SPATA13: variants seen among roughly 807,000 people sequenced by gnomAD.
The protein encoded by SPATA13 is spermatogenesis associated 13.
A neutral mutation model predicts 104.0 loss-of-function variants in SPATA13; 50 were observed. That is an observed-to-expected ratio of 0.48 (90% CI 0.38 to 0.61). The LOEUF is 0.61. SPATA13 is among the 20% of genes least tolerant of loss of function. SPATA13 has a pLI of 0.00. For missense variants in SPATA13, 1,524 were observed against 1,690.6 expected, an observed-to-expected ratio of 0.90 and a Z score of 1.73; for synonymous variants, 606 against 667.5, an observed-to-expected ratio of 0.91 and a Z score of 1.42.
At chr13:24,203,464 T>C (rs1169502481) in intron 1 of SPATA13, among the ~76,000 whole-genome samples, 1 of 152,220 alleles carries the variant, frequency 6.6e-6, no homozygotes, top group Non-Finnish European at 1.5e-5. Flanking sequence ...AAGTCTGTTT[T>C]TGTGACTGAA....
intron 1 of SPATA13, among the ~76,000 whole-genome samples, chr13:24,216,490 G>C (rs1238217568): frequency 6.6e-6 from 1 of 152,182 alleles, no homozygotes; most frequent in Non-Finnish European, 1.5e-5. Flanking sequence ...AGTTGCATTT[G>C]TCCATATACT....
chr13:24,130,989 C>T (rs775272775), intron 3 of SPATA13, among the ~76,000 whole-genome samples: 5 of 152,262 alleles, frequency 3.3e-5, no homozygotes, highest in East Asian at 1.9e-4. Flanking sequence ...CTGGCTTCAT[C>T]GTGATTCACT....
intron 11 of SPATA13, among the ~76,000 whole-genome samples, chr13:24,300,042 CT>C (rs1877074840): frequency 6.6e-6 from 1 of 152,206 alleles, no homozygotes; most frequent in South Asian, 2.1e-4. Context: ...CCCTGGGACC[CT>C]TTGCTCTGTC....
chr13:24,035,313 C>A (rs960778311), intron 3 of SPATA13, among the ~76,000 whole-genome samples: 1 of 152,166 alleles, frequency 6.6e-6, no homozygotes, highest in African/African-American at 2.4e-5. Flanking sequence ...CACCAACACA[C>A]CCAGCTAATT....
Position 24,286,484 on chromosome 13 carries a change from CT to C in SPATA13, c.2481+95del. On this transcript the variant is annotated intron_variant, in intron 6 of 12. Transcript: ENST00000382108. The surrounding 1 kb of genome is among the most constrained non-coding windows in gnomAD (Gnocchi z 4.9). The stretch of plus-strand genomic sequence containing the variant: ...GAACTCGCCTTTTATCAGGTCAGCT[CT>C]TTTGTAATTGATATCTGACATGCAA... 7.6e-7 allele frequency: 1 copy of C among 1,323,896 alleles called. No individual in the cohort carries two copies. Among genetic ancestry groups the C allele is most frequent in the South Asian group, 1.5e-5 (1 of 67,938 alleles). The allele number at this position is 1,323,896 out of a possible 1,614,324, so 82.0% of individuals were successfully genotyped here.
rs896191085 is a variant in SPATA13, at chr13:24,303,300, G to T, written c.*527G>T. ...TAATACTGGGGGACCTACAGCTGCC[G>T]TGGGGCTGACCACGGTGTTCCCTGG... On this transcript the variant is annotated 3_prime_UTR_variant, in exon 13 of 13. Coordinates refer to ENST00000382108, the MANE Select transcript of SPATA13 (RefSeq NM_001166271.3). The T allele has an allele frequency of 5.4e-6, 2 of 371,100 alleles. No individual in the cohort carries two copies. Among genetic ancestry groups the T allele is most frequent in the South Asian group, 2.0e-5 (1 of 49,228 alleles). The allele number at this position is 371,100 out of a possible 1,614,324, so 23.0% of individuals were successfully genotyped here.
intron 1 of SPATA13, among the ~76,000 whole-genome samples, chr13:24,169,173 A>G (rs1882864112): frequency 1.3e-5 from 2 of 152,016 alleles, no homozygotes; most frequent in African/African-American, 4.8e-5. Flanking sequence ...CCCTTCCTAG[A>G]AAAGGCTTGG....
At chr13:24,217,315 T>C (rs1285663446) in intron 1 of SPATA13, among the ~76,000 whole-genome samples, 1 of 152,220 alleles carries the variant, frequency 6.6e-6, no homozygotes. Flanking sequence ...TCTCTTTTTA[T>C]TACAATTCTT....
chr13:24,058,791 G>A (rs996781172), intron 3 of SPATA13, among the ~76,000 whole-genome samples: 1 of 151,762 alleles, frequency 6.6e-6, no homozygotes, highest in African/African-American at 2.4e-5. Flanking sequence ...AACCTGTCAG[G>A]TAGCAAGATT....
intron 2 of SPATA13, among the ~76,000 whole-genome samples, chr13:24,246,546 G>A (rs996386258): frequency 2.6e-5 from 4 of 152,184 alleles, no homozygotes; most frequent in Admixed American, 6.5e-5. Flanking sequence ...CTCTGTGTGT[G>A]AGAGACAGAG....
chr13:24,157,395 T>A (rs1882290343), upstream of SPATA13, among the ~76,000 whole-genome samples: 1 of 152,128 alleles, frequency 6.6e-6, no homozygotes, highest in South Asian at 2.1e-4. Context: ...GCCTCCCGGG[T>A]TCACGCCATT....
In SPATA13 at chr13:24,237,362, T is replaced by TAAAAC. The variant is rs544224771; in HGVS notation, c.1654-12100_1654-12096dup. On this transcript the variant is annotated intron_variant, in intron 2 of 12. Transcript: ENST00000382108. ...CTGGCGGCAGAGTCAGATTCCATCT[T>TAAAAC]AAAACAAAACAAAACAAAAAAAACA... is the stretch of plus-strand genomic sequence containing the variant. Among the ~76,000 whole-genome samples, 74 of 151,710 alleles carry TAAAAC rather than the reference T, an allele frequency of 4.9e-4. 1 individual carries two copies. The East Asian group carries it at 0.012, about 25-fold the overall frequency.
chr13:24,194,427 A>G (rs1279373653), intron 1 of SPATA13, among the ~76,000 whole-genome samples: 1 of 152,208 alleles, frequency 6.6e-6, no homozygotes, highest in Non-Finnish European at 1.5e-5. Context: ...GGTGCACATT[A>G]CTGGAAATGT....
At chr13:24,237,071 G>A (rs888270411) in intron 2 of SPATA13, among the ~76,000 whole-genome samples, 9 of 152,158 alleles carry the variant, frequency 5.9e-5, no homozygotes, top group Non-Finnish European at 1.2e-4. Context: ...TAACAAACAT[G>A]CTGCAGGCTG....
intron 8 of SPATA13, among the ~76,000 whole-genome samples, chr13:24,290,451 C>T (rs879443689): frequency 7.2e-5 from 11 of 152,136 alleles, no homozygotes; most frequent in Non-Finnish European, 1.2e-4. Flanking sequence ...TGAAGCACCC[C>T]TTCTCGCCGG....
chr13:24,138,806 G>A (rs1881662375), intron 3 of SPATA13, among the ~76,000 whole-genome samples: 1 of 148,652 alleles, frequency 6.7e-6, no homozygotes, highest in African/African-American at 2.5e-5. Context: ...TGCTCAGGCT[G>A]GCCTCAAACT....
At position 24,051,971 on chromosome 13, in the gene SPATA13, ACCT is replaced by A. The variant is rs1878356264; in HGVS notation, c.-112+34272_-112+34274del. Among the ~76,000 whole-genome samples, 1 of 152,014 alleles carries A rather than the reference ACCT, an allele frequency of 6.6e-6. No homozygotes were observed. The highest frequency in any genetic ancestry group is 1.5e-5 in the Non-Finnish European group (1 of 68,008). On this transcript the variant is annotated intron_variant, in intron 3 of 14. Coordinates refer to the SPATA13 transcript ENST00000424834. The surrounding 1 kb of genome is among the most constrained non-coding windows in gnomAD (Gnocchi z 4.2). Reference sequence around the variant, plus strand: ...CAGACGTCCTGGCTCTGGTCCTCCCACCTCATCTGTGCACCTTGCCAGTCCTTT... The same window carrying A: ...CAGACGTCCTGGCTCTGGTCCTCCCACATCTGTGCACCTTGCCAGTCCTTT...
chr13:24,056,050 C>T (rs1192702343), intron 3 of SPATA13, among the ~76,000 whole-genome samples: 1 of 152,122 alleles, frequency 6.6e-6, no homozygotes, highest in Non-Finnish European at 1.5e-5. Flanking sequence ...ATGGAAGGAG[C>T]CAACACATTT....
chr13:24,066,697 T>G (rs1878977861), intron 3 of SPATA13, among the ~76,000 whole-genome samples: 1 of 151,918 alleles, frequency 6.6e-6, no homozygotes, highest in Non-Finnish European at 1.5e-5. Context: ...CCCCCCACCT[T>G]CATTCCCCTC....
Sources: gnomAD v4.1 joint callset for allele counts (sites outside exome capture counted in the v4.1 genomes callset) on GRCh38, gnomAD v4.1.1 for gene constraint, Gnocchi (gnomAD v3.1) non-coding constraint, MANE v1.5 for transcripts, NCBI Gene and HGNC (gene_info 2026-07-23, HGNC 2026-07-21) for gene names.